Variants in LEMD2 observed in about 807,000 individuals in gnomAD.
LEMD2 encodes LEM domain nuclear envelope protein 2, also known as LEM domain-containing protein 2.
A neutral mutation model predicts 58.8 loss-of-function variants in LEMD2; 34 were observed. That is an observed-to-expected ratio of 0.58 (90% confidence interval 0.44 to 0.77). The LOEUF is 0.77. Among genes scored for constraint, LEMD2 ranks in the 30% least tolerant of loss-of-function variants. The pLI is 0.00. For missense variants in LEMD2, 629 were observed against 717.9 expected (o/e 0.88, Z 1.42); for synonymous variants, 298 against 308.9 (o/e 0.96, Z 0.37).
chr6:33,788,321 G>A, intron 1 of LEMD2, 60 bp downstream of exon 1: 2 of 1,476,154 alleles, frequency 1.4e-6, no homozygotes. Flanking sequence ...CAGGAACGGG[G>A]GGTCCTCCGG....
intron 8 of LEMD2, among the ~76,000 whole-genome samples, chr6:33,773,646 C>G (rs1411457839): frequency 6.6e-6 from 1 of 151,654 alleles, no homozygotes; most frequent in East Asian, 1.9e-4. Context: ...CCAACCAAAC[C>G]CCATGGGCCT....
intron 3 of LEMD2, among the ~76,000 whole-genome samples, chr6:33,782,841 G>A (rs553341483): frequency 6.6e-6 from 1 of 152,296 alleles, no homozygotes; most frequent in East Asian, 1.9e-4. Context: ...AGGGGTTGAG[G>A]ACTACTAGGG....
rs759421112 is a variant in LEMD2, at chr6:33,772,774, G to A, written c.1366C>T (p.Arg456Cys). The A allele has an allele frequency of 8.1e-6, 13 of 1,612,934 alleles. No individual in the cohort carries two copies. Among genetic ancestry groups the A allele is most frequent in the Admixed American group, 1.7e-5 (1 of 59,946 alleles). The change falls in exon 9 of 9, where the codon CGC becomes TGC. Residue 456 changes from arginine to cysteine, a missense_variant. Coordinates refer to ENST00000293760, the MANE Select transcript of LEMD2 (RefSeq NM_181336.4). ...DSLIPPQSRR[R>C]MKRVWDRAVE... Reference sequence around the variant, plus strand: ...GCTCGGTCCCAGACACGCTTCATGCGCCTCCTGCAATGAGAGGGACGGGGC... The same window carrying A: ...GCTCGGTCCCAGACACGCTTCATGCACCTCCTGCAATGAGAGGGACGGGGC...
intron 3 of LEMD2, 77 bp downstream of exon 3, chr6:33,784,275 T>C (rs1474009267): frequency 1.8e-6 from 2 of 1,132,570 alleles, no homozygotes; most frequent in Non-Finnish European, 2.7e-6. Context: ...AGCAGCAGTG[T>C]AACTAAGCCT....
Position 33,788,804 on chromosome 6 carries a change from C to T in LEMD2, c.313G>A (p.Gly105Ser), listed in dbSNP as rs1412860830. 2 of 1,449,924 alleles carry T rather than the reference C, an allele frequency of 1.4e-6. No homozygotes were observed. The highest frequency in any genetic ancestry group is 1.8e-6 in the Non-Finnish European group (2 of 1,103,042). 89.8% of individuals were successfully genotyped at this position (1,449,924 alleles called of 1,614,324 possible). A position where few individuals can be genotyped will look rare whatever the true frequency, so the allele number is the denominator to read the frequency against. The change falls in exon 1 of 9, where the codon GGT (glycine) becomes AGT (serine). Residue 105 changes from glycine to serine, a missense_variant. This residue lies in a region of LEMD2 where 386 missense variants were observed against 381.1 expected (regional missense o/e 1.01). Transcript: ENST00000293760. ...GAAGCCGCGGAGGGCCGGATATCAC[C>T]GTAGGCCCCAGGGGTCGCGTAGGCC... ...GSAYATPGAY[G>S]DIRPSAASWV...
At position 33,784,387 on chromosome 6, in the gene LEMD2, A is replaced by G; in HGVS notation, c.818T>C (p.Leu273Pro). 7.0e-7 allele frequency: 1 copy of G among 1,429,714 alleles called. No individual in the cohort carries two copies. Among genetic ancestry groups the G allele is most frequent in the Non-Finnish European group, 9.4e-7 (1 of 1,066,400 alleles). The allele number at this position is 1,429,714 out of a possible 1,614,324, so 88.6% of individuals were successfully genotyped here. A position where few individuals can be genotyped will look rare whatever the true frequency, so the allele number is the denominator to read the frequency against. The change falls in exon 3 of 9, where the codon CTG (leucine) becomes CCG (proline). Residue 273 changes from leucine (L) to proline (P), a missense_variant. Leu to Pro is a moderately conservative substitution (Grantham distance 98). This residue lies in a region of LEMD2 where 243 missense variants were observed against 336.8 expected (regional missense o/e 0.72). Transcript: ENST00000293760. Reference protein sequence around the residue: ...AKQKAALLELLHELYNFLAIQ... With the variant: ...AKQKAALLELPHELYNFLAIQ... ...GGCCAGGAAATTGTAGAGTTCATGC[A>G]GCAGCTCCAGCAAGGCTGCCTTCTG...
At position 33,788,373 on chromosome 6, in the gene LEMD2, G is replaced by C. The variant is rs750144570; in HGVS notation, c.736+8C>G. On this transcript the variant is annotated splice_region_variant and intron_variant, in intron 1 of 8. Transcript: ENST00000293760. ...CAGGGCCCTCCCCTGCGCCGGCCCA[G>C]GACGTACTGTTGTCCTCCGCCTCCT... 6.4e-7 allele frequency: 1 copy of C among 1,564,448 alleles called. No individual in the cohort carries two copies. The highest frequency in any genetic ancestry group is 1.8e-5 in the Admixed American group (1 of 54,660).
At chr6:33,784,857 G>A (rs1343466818) in intron 2 of LEMD2, among the ~76,000 whole-genome samples, 2 of 152,200 alleles carry the variant, frequency 1.3e-5, no homozygotes, top group Non-Finnish European at 2.9e-5. Context: ...CTTGCAGACA[G>A]GGCAGAATGT....
chr6:33,779,946 G>T lies in LEMD2; in HGVS notation c.1010+154C>A, dbSNP rs1474958555. 5 of 624,098 alleles carry T rather than the reference G, an allele frequency of 8.0e-6. No individual in the cohort carries two copies. In the African/African-American group the frequency reaches 9.2e-5, roughly 12 times the overall value. The allele number at this position is 624,098 out of a possible 1,614,324, so 38.7% of individuals were successfully genotyped here. A position where few individuals can be genotyped will look rare whatever the true frequency, so the allele number is the denominator to read the frequency against. On this transcript the variant is annotated intron_variant, in intron 5 of 8. Transcript: ENST00000293760. ...ATTCCAAATGCTTCTTGCTTTTGTT[G>T]CCCCACTTCCATCCTAACCCACATG...
intron 3 of LEMD2, chr6:33,782,118 CT>C (rs2127381386): frequency 6.6e-6 from 1 of 152,392 alleles, no homozygotes; most frequent in African/African-American, 2.4e-5. Flanking sequence ...CAGGGGTCCC[CT>C]GAGACACAGG....
chr6:33,786,346 A>G (rs989875288), intron 2 of LEMD2, among the ~76,000 whole-genome samples: 9 of 152,182 alleles, frequency 5.9e-5, no homozygotes, highest in Admixed American at 5.9e-4. Flanking sequence ...CTGGAGACAG[A>G]GAATGTGGAA....
At chr6:33,780,265 C>T in intron 4 of LEMD2, 86 bp from the exon 5 acceptor site, 1 of 1,140,446 alleles carries the variant, frequency 8.8e-7, no homozygotes, top group Non-Finnish European at 1.3e-6. Flanking sequence ...AGGAAGCCCT[C>T]TCCCGTGTCC....
Position 33,771,964 on chromosome 6 carries a change from T to G in LEMD2, c.*664A>C, listed in dbSNP as rs879744507. The G allele has an allele frequency of 6.6e-6, 1 of 151,918 alleles. No homozygotes were observed. Among genetic ancestry groups the G allele is most frequent in the South Asian group, 2.1e-4 (1 of 4,788 alleles). 9.4% of individuals were successfully genotyped at this position (151,918 alleles called of 1,614,324 possible). A position where few individuals can be genotyped will look rare whatever the true frequency, so the allele number is the denominator to read the frequency against. On this transcript the variant is annotated 3_prime_UTR_variant, in exon 9 of 9. Coordinates refer to ENST00000293760, the MANE Select transcript of LEMD2 (RefSeq NM_181336.4). ...CGCCCGCCCTGGGGCTGCCCGACCC[T>G]CCTCTCTGCTCTCAGCCCCAGTCCC... is the stretch of plus-strand genomic sequence containing the variant.
At chr6:33,774,472 C>T (rs1179796970) in intron 8 of LEMD2, among the ~76,000 whole-genome samples, 3 of 150,028 alleles carry the variant, frequency 2.0e-5, no homozygotes, top group African/African-American at 4.9e-5. Context: ...CTCTGTCACC[C>T]GGGCTGGTGT....
At position 33,772,439 on chromosome 6, in the gene LEMD2, A is replaced by G. The variant is rs1767321501; in HGVS notation, c.*189T>C. On this transcript the variant is annotated 3_prime_UTR_variant, in exon 9 of 9. Coordinates refer to ENST00000293760, the MANE Select transcript of LEMD2 (RefSeq NM_181336.4). Reference sequence around the variant, plus strand: ...ACCCTGGCTTCTCCCCCTCCCTTTAAAGGAAGCCCACATTTTCCTGCGAGC... The same window carrying G: ...ACCCTGGCTTCTCCCCCTCCCTTTAGAGGAAGCCCACATTTTCCTGCGAGC... 3 of 544,216 alleles carry G rather than the reference A, an allele frequency of 5.5e-6. No homozygotes were observed. Among genetic ancestry groups the G allele is most frequent in the Non-Finnish European group, 9.6e-6 (3 of 312,682 alleles). The allele number at this position is 544,216 out of a possible 1,614,324, so 33.7% of individuals were successfully genotyped here. A position where few individuals can be genotyped will look rare whatever the true frequency, so the allele number is the denominator to read the frequency against.
chr6:33,785,364 CTGAA>C lies in LEMD2; in HGVS notation c.778-941_778-938del, dbSNP rs550522492. Reference sequence around the variant, plus strand: ...TGCTTTCTGATGCTCTGATGAAGGTCTGAATGGTTACAAATAGGGATATCTGCGT... The same window carrying C: ...TGCTTTCTGATGCTCTGATGAAGGTCTGGTTACAAATAGGGATATCTGCGT... On this transcript the variant is annotated intron_variant, in intron 2 of 8. Transcript: ENST00000293760. Among the ~76,000 whole-genome samples the C allele has an allele frequency of 3.3e-3, 497 of 152,266 alleles. 3 individuals carry two copies. The highest frequency in any genetic ancestry group is 0.011 in the African/African-American group (466 of 41,562).
chr6:33,786,720 A>AC lies in LEMD2; in HGVS notation c.777+13_777+14insG. 6.2e-7 allele frequency: 1 copy of AC among 1,606,572 alleles called. No homozygotes were observed. The highest frequency in any genetic ancestry group is 8.5e-7 in the Non-Finnish European group (1 of 1,173,576). On this transcript the variant is annotated intron_variant, in intron 2 of 8. Transcript: ENST00000293760. ...TCAGGAAGAATAATAAAAACCAGAG[A>AC]AACTCAAACTCACCTCATCTGTTTT...
At chr6:33,784,728 T>C (rs192313489) in intron 2 of LEMD2, 65 of 314,894 alleles carry the variant, frequency 2.1e-4, no homozygotes, top group Non-Finnish European at 3.4e-4. Flanking sequence ...TGACGGCCAT[T>C]AAGAGGGCTG....
intron 8 of LEMD2, among the ~76,000 whole-genome samples, chr6:33,775,700 G>A (rs964292500): frequency 6.6e-6 from 1 of 152,178 alleles, no homozygotes; most frequent in Admixed American, 6.5e-5. Context: ...CTGGTGGCGG[G>A]AGCACGGAAA....
Sources: gnomAD v4.1 joint callset for allele counts (sites outside exome capture counted in the v4.1 genomes callset) on GRCh38, gnomAD v4.1.1 for gene constraint, gnomAD v4.1.1 regional missense constraint, MANE v1.5 for transcripts, NCBI Gene and HGNC (gene_info 2026-07-23, HGNC 2026-07-21) for gene names.